The following TMEM132D variants were observed in gnomAD, a reference collection of about 807,000 sequenced individuals.
TMEM132D encodes mature OL transmembrane protein.
TMEM132D carries 21 observed loss-of-function variants against 62.3 expected under a neutral mutation model. The observed-to-expected ratio is 0.34, with a 90% CI of 0.24 to 0.49. The LOEUF is 0.49. Among genes scored for constraint, TMEM132D ranks in the 20% least tolerant of loss-of-function variants. The pLI, the probability that TMEM132D is intolerant of heterozygous loss-of-function variation, is 0.99. For synonymous variants in TMEM132D, 621 were observed against 575.6 expected (o/e 1.08, Z -1.13); for missense variants, 1,346 against 1,402.8 (o/e 0.96, Z 0.65).
chr12:129,859,468 G>A (rs781404055), intron 1 of TMEM132D, among the ~76,000 whole-genome samples: 17 of 152,178 alleles, frequency 1.1e-4, no homozygotes, highest in Non-Finnish European at 2.4e-4. Context: ...AATATTGGAT[G>A]TCAACGTGAT....
At chr12:129,529,499 CA>C (rs773746784) in intron 3 of TMEM132D, among the ~76,000 whole-genome samples, 1 of 152,162 alleles carries the variant, frequency 6.6e-6, no homozygotes, top group Non-Finnish European at 1.5e-5. Flanking sequence ...CAGAAGTTAA[CA>C]ATAAAAAGGG....
At chr12:129,243,140 A>G (rs1173369219) in intron 4 of TMEM132D, among the ~76,000 whole-genome samples, 4 of 152,252 alleles carry the variant, frequency 2.6e-5, no homozygotes, top group Admixed American at 1.3e-4. Context: ...GTGTGCACAC[A>G]CATATACTTT....
chr12:129,168,216 C>A (rs1877619310), intron 5 of TMEM132D, among the ~76,000 whole-genome samples: 3 of 151,170 alleles, frequency 2.0e-5, no homozygotes, highest in Admixed American at 2.0e-4. Context: ...AAGGAGTCTG[C>A]TATTTGGGCT....
intron 3 of TMEM132D, among the ~76,000 whole-genome samples, chr12:129,518,915 T>G (rs1875762721): frequency 6.6e-6 from 1 of 152,208 alleles, no homozygotes; most frequent in African/African-American, 2.4e-5. Flanking sequence ...ATTAAAAATT[T>G]TAATGAAGGT....
intron 2 of TMEM132D, among the ~76,000 whole-genome samples, chr12:129,604,292 A>T (rs965859661): frequency 2.0e-5 from 3 of 152,134 alleles, no homozygotes; most frequent in African/African-American, 7.2e-5. Context: ...TGTGTTACAA[A>T]CCTGCACGTT....
At chr12:129,705,810 A>T (rs908342244) in intron 1 of TMEM132D, among the ~76,000 whole-genome samples, 3 of 152,154 alleles carry the variant, frequency 2.0e-5, no homozygotes, top group African/African-American at 4.8e-5. Context: ...AGTAATAAAA[A>T]ATTCAGAATC....
At chr12:129,238,051 G>C (rs954640368) in intron 4 of TMEM132D, among the ~76,000 whole-genome samples, 1 of 152,176 alleles carries the variant, frequency 6.6e-6, no homozygotes, top group African/African-American at 2.4e-5. Context: ...ACTTCTGGCT[G>C]ATAAAGGGTC....
At position 129,481,425 on chromosome 12, in the gene TMEM132D, T is replaced by G. The variant is rs114473566; in HGVS notation, c.1115+49634A>C. On this transcript the variant is annotated intron_variant, in intron 3 of 8. Coordinates refer to ENST00000422113, the MANE Select transcript of TMEM132D (RefSeq NM_133448.3). Reference sequence around the variant, plus strand: ...ATGCTGTGGGTTATGATACCACCACTGCACTCCAGCCCGGGTGACAGAATG... The same window carrying G: ...ATGCTGTGGGTTATGATACCACCACGGCACTCCAGCCCGGGTGACAGAATG... 5.6e-3 allele frequency among the ~76,000 whole-genome samples: 821 copies of G among 145,916 alleles called. 7 individuals carry two copies. The highest frequency in any genetic ancestry group is 0.019 in the African/African-American group (737 of 39,130).
At chr12:129,531,004 A>AT (rs1876201919) in intron 3 of TMEM132D, 55 bp downstream of exon 3, 1 of 1,507,606 alleles carries the variant, frequency 6.6e-7, no homozygotes, top group Non-Finnish European at 8.9e-7. Flanking sequence ...AAAAAAAAAA[A>AT]ATCAGGCCAC....
At chr12:129,340,923 A>G (rs1386102438) in intron 3 of TMEM132D, among the ~76,000 whole-genome samples, 2 of 152,202 alleles carry the variant, frequency 1.3e-5, no homozygotes, top group African/African-American at 4.8e-5. Context: ...TTTTCTGGAA[A>G]GATTCCTTAG....
chr12:129,322,847 T>A (rs535033661), intron 4 of TMEM132D, among the ~76,000 whole-genome samples: 1 of 152,310 alleles, frequency 6.6e-6, no homozygotes, highest in East Asian at 1.9e-4. Flanking sequence ...AATGACAGAT[T>A]TAATAGATAG....
At chr12:129,107,038 TTTTG>T (rs1413356025) in intron 5 of TMEM132D, among the ~76,000 whole-genome samples, 6 of 152,194 alleles carry the variant, frequency 3.9e-5, no homozygotes, top group Admixed American at 1.3e-4. Context: ...ACCTTAGCCG[TTTTG>T]TTTATCTACT....
chr12:129,835,679 T>G (rs1197963809), intron 1 of TMEM132D, among the ~76,000 whole-genome samples: 3 of 152,180 alleles, frequency 2.0e-5, no homozygotes, highest in African/African-American at 7.2e-5. Flanking sequence ...ATCCTTGAAA[T>G]GTATAGTATA....
intron 2 of TMEM132D, among the ~76,000 whole-genome samples, chr12:129,683,381 G>A (rs538510334): frequency 6.6e-6 from 1 of 152,158 alleles, no homozygotes; most frequent in Non-Finnish European, 1.5e-5. Flanking sequence ...GAATTGTTTT[G>A]AGGATTAAAT....
At chr12:129,519,492 T>G (rs1462098365) in intron 3 of TMEM132D, among the ~76,000 whole-genome samples, 2 of 152,208 alleles carry the variant, frequency 1.3e-5, no homozygotes, top group African/African-American at 4.8e-5. Flanking sequence ...TATAGCTGCA[T>G]TCCTCAGGAT....
intron 3 of TMEM132D, among the ~76,000 whole-genome samples, chr12:129,419,469 A>C (rs1055878375): frequency 6.6e-6 from 1 of 152,144 alleles, no homozygotes; most frequent in East Asian, 1.9e-4. Flanking sequence ...GGCACTGTGC[A>C]CAGTGTAAGG....
At chr12:129,795,298 C>T (rs533030166) in intron 1 of TMEM132D, among the ~76,000 whole-genome samples, 2 of 152,306 alleles carry the variant, frequency 1.3e-5, no homozygotes, top group South Asian at 2.1e-4. Context: ...GCCCTCCCAG[C>T]GTGCACTGGG....
At chr12:129,607,148 CT>C (rs1399891964) in intron 2 of TMEM132D, among the ~76,000 whole-genome samples, 1 of 151,532 alleles carries the variant, frequency 6.6e-6, no homozygotes, top group Non-Finnish European at 1.5e-5. Flanking sequence ...GTTAGAAGAA[CT>C]CACAGAATGT....
intron 5 of TMEM132D, among the ~76,000 whole-genome samples, chr12:129,191,066 C>T (rs541079921): frequency 6.6e-6 from 1 of 152,280 alleles, no homozygotes; most frequent in African/African-American, 2.4e-5. Flanking sequence ...TCTCTGACTC[C>T]TCAGACCTGG....
Sources: gnomAD v4.1 joint callset for allele counts (sites outside exome capture counted in the v4.1 genomes callset) on GRCh38, gnomAD v4.1.1 for gene constraint, MANE v1.5 for transcripts, NCBI Gene and HGNC (gene_info 2026-07-23, HGNC 2026-07-21) for gene names.